Variants in TNNI3K observed in about 807,000 individuals in gnomAD.
TNNI3K encodes TNNI3 interacting kinase.
In TNNI3K, 140 loss-of-function variants were observed where a neutral mutation model predicts 114.5. That is an observed-to-expected ratio of 1.22 (90% CI 1.07 to 1.41). The LOEUF is 1.41. Among genes scored for constraint, TNNI3K ranks in the 40% most tolerant of loss-of-function variants. The pLI is 0.00. For synonymous variants in TNNI3K, 347 were observed against 347.5 expected (o/e 1.00, Z 0.02); for missense variants, 1,125 against 1,007.6 (o/e 1.12, Z -1.58).
At chr1:74,507,017 C>G (rs567974788) in intron 23 of TNNI3K, among the ~76,000 whole-genome samples, 1 of 152,050 alleles carries the variant, frequency 6.6e-6, no homozygotes, top group Non-Finnish European at 1.5e-5. Flanking sequence ...TGACAAGGTT[C>G]ATTAAACTAA....
intron 5 of TNNI3K, among the ~76,000 whole-genome samples, chr1:74,316,780 CCTG>C (rs1490273190): frequency 3.3e-5 from 5 of 151,970 alleles, no homozygotes; most frequent in African/African-American, 4.8e-5. Flanking sequence ...AGCTCCACCT[CCTG>C]GGTTCCCGCC....
intron 4 of TNNI3K, among the ~76,000 whole-genome samples, chr1:74,262,988 G>A (rs528331418): frequency 1.3e-5 from 2 of 151,880 alleles, no homozygotes; most frequent in South Asian, 2.1e-4. Flanking sequence ...CTATATTAGC[G>A]GTCACAATCT....
intron 5 of TNNI3K, among the ~76,000 whole-genome samples, chr1:74,296,004 C>A (rs1443277043): frequency 2.6e-5 from 4 of 152,080 alleles, no homozygotes; most frequent in African/African-American, 9.7e-5. Context: ...GGCCGGGCGC[C>A]ATGGCTCATT....
chr1:74,469,312 G>A (rs612695), intron 21 of TNNI3K: 95,562 of 152,346 alleles, frequency 0.63, 30,256 homozygotes, highest in East Asian at 0.82. Context: ...ACTTAAATCT[G>A]GGATGATTGT....
chr1:74,350,625 A>T lies in TNNI3K; in HGVS notation c.933-2641A>T, dbSNP rs560073229. Among the ~76,000 whole-genome samples, 24 of 152,090 alleles carry T rather than the reference A, an allele frequency of 1.6e-4. No individual in the cohort carries two copies. In the East Asian group the frequency reaches 4.7e-3, roughly 29 times the overall value. On this transcript the variant is annotated intron_variant, in intron 9 of 24. Transcript: ENST00000326637. ...TAAGTCTCTTTGTAGGTCACTAAGG[A>T]CTTGCTTTATGAATCTGGGTGCTCC...
intron 7 of TNNI3K, among the ~76,000 whole-genome samples, chr1:74,340,663 G>T (rs1397382128): frequency 6.6e-6 from 1 of 152,148 alleles, no homozygotes; most frequent in Non-Finnish European, 1.5e-5. Context: ...GCCAAGGATG[G>T]CCAAAGGCAA....
intron 21 of TNNI3K, among the ~76,000 whole-genome samples, chr1:74,478,614 CCTT>C (rs1350870463): frequency 6.6e-6 from 1 of 152,140 alleles, no homozygotes; most frequent in African/African-American, 2.4e-5. Flanking sequence ...CCATATCACA[CCTT>C]CTTCTTAGAA....
At chr1:74,261,488 T>C (rs45510604) in intron 4 of TNNI3K, among the ~76,000 whole-genome samples, 2,799 of 152,226 alleles carry the variant, frequency 0.018, 88 homozygotes, top group African/African-American at 0.064. Context: ...TGTACCCTAA[T>C]GAATTTTATT....
At chr1:74,310,946 T>A (rs1231064443) in intron 5 of TNNI3K, among the ~76,000 whole-genome samples, 1 of 152,120 alleles carries the variant, frequency 6.6e-6, no homozygotes, top group Non-Finnish European at 1.5e-5. Flanking sequence ...CTCTACTACC[T>A]CACTGTACTT....
intron 18 of TNNI3K, 91 bp downstream of exon 18, chr1:74,436,223 A>C (rs1344074996): frequency 1.3e-6 from 2 of 1,507,974 alleles, no homozygotes; most frequent in Non-Finnish European, 9.1e-7. Flanking sequence ...TGAACACTGA[A>C]CACTGACAGC....
chr1:74,283,684 C>A (rs1657150080), intron 5 of TNNI3K, among the ~76,000 whole-genome samples: 1 of 152,066 alleles, frequency 6.6e-6, no homozygotes, highest in Admixed American at 6.6e-5. Context: ...CCCTTTGTAA[C>A]CATTTGTGTT....
chr1:74,396,818 A>G (rs1664105860), intron 17 of TNNI3K, among the ~76,000 whole-genome samples: 1 of 152,228 alleles, frequency 6.6e-6, no homozygotes, highest in African/African-American at 2.4e-5. Flanking sequence ...GCAGAGGCTC[A>G]GGGATCAAAT....
At chr1:74,326,662 G>C (rs912675288) in intron 5 of TNNI3K, among the ~76,000 whole-genome samples, 1 of 152,104 alleles carries the variant, frequency 6.6e-6, no homozygotes, top group Non-Finnish European at 1.5e-5. Flanking sequence ...AGATTACATT[G>C]TGTCACTAAG....
chr1:74,392,072 T>C (rs1195291812), intron 17 of TNNI3K, among the ~76,000 whole-genome samples: 1 of 150,562 alleles, frequency 6.6e-6, no homozygotes, highest in African/African-American at 2.5e-5. Context: ...TTCACGCCAT[T>C]CTCCTGCCTC....
intron 23 of TNNI3K, among the ~76,000 whole-genome samples, chr1:74,524,146 G>C (rs377232561): frequency 4.0e-4 from 61 of 152,242 alleles, no homozygotes; most frequent in African/African-American, 1.2e-3. Flanking sequence ...GCCCACAAAG[G>C]CTCCAGTGAA....
chr1:74,319,928 C>T (rs1009653422), intron 5 of TNNI3K, among the ~76,000 whole-genome samples: 6 of 152,130 alleles, frequency 3.9e-5, no homozygotes, highest in Admixed American at 3.9e-4. Context: ...CATAGCATAG[C>T]AGTTTAGTCA....
At chr1:74,383,379 A>G (rs1663304764) in intron 17 of TNNI3K, among the ~76,000 whole-genome samples, 1 of 151,968 alleles carries the variant, frequency 6.6e-6, no homozygotes, top group Admixed American at 6.6e-5. Flanking sequence ...AGCTTCATTT[A>G]TTATAGCTCT....
At chr1:74,467,294 T>A (rs543554446) in intron 21 of TNNI3K, among the ~76,000 whole-genome samples, 5 of 152,210 alleles carry the variant, frequency 3.3e-5, no homozygotes, top group African/African-American at 1.2e-4. Context: ...ACTAACATCA[T>A]GCTATTCTGG....
intron 2 of TNNI3K, among the ~76,000 whole-genome samples, chr1:74,247,104 C>T (rs763059014): frequency 3.9e-5 from 6 of 152,290 alleles, no homozygotes; most frequent in South Asian, 2.1e-4. Context: ...AATGAAGCCG[C>T]GGACCCTCGC....
Sources: gnomAD v4.1 joint callset for allele counts (sites outside exome capture counted in the v4.1 genomes callset) on GRCh38, gnomAD v4.1.1 for gene constraint, MANE v1.5 for transcripts, NCBI Gene and HGNC (gene_info 2026-07-23, HGNC 2026-07-21) for gene names.